The following DLGAP1 variants were observed in gnomAD, a reference collection of about 807,000 sequenced individuals.
The protein encoded by DLGAP1 is DLG associated protein 1.
Under a neutral mutation model 90.8 loss-of-function variants are expected in DLGAP1, and 11 were observed. The ratio of observed to expected loss-of-function variants is 0.12; its 90% CI spans 0.08 to 0.20. The LOEUF (loss-of-function observed/expected upper bound fraction) is 0.20. DLGAP1 is among the 10% of genes least tolerant of loss of function. The pLI, the probability that DLGAP1 is intolerant of heterozygous loss-of-function variation, is 1.00. For missense variants in DLGAP1, 1,050 were observed against 1,333.8 expected, an observed-to-expected ratio of 0.79 and a Z score of 3.31; for synonymous variants, 558 against 540.7, an observed-to-expected ratio of 1.03 and a Z score of -0.44.
chr18:4,334,738 T>C (rs1038590989), intron 1 of DLGAP1, among the ~76,000 whole-genome samples: 1 of 151,886 alleles, frequency 6.6e-6, no homozygotes, highest in South Asian at 2.1e-4. Context: ...ACCACACTAA[T>C]ACCACTCCTC....
intron 10 of DLGAP1, among the ~76,000 whole-genome samples, chr18:3,529,905 C>G (rs1250948640): frequency 6.6e-6 from 1 of 152,210 alleles, no homozygotes; most frequent in Non-Finnish European, 1.5e-5. Context: ...GGTTTTCTGA[C>G]AAGATTTTCA....
At chr18:4,360,159 A>G (rs1287068051) in intron 1 of DLGAP1, among the ~76,000 whole-genome samples, 1 of 152,214 alleles carries the variant, frequency 6.6e-6, no homozygotes, top group Non-Finnish European at 1.5e-5. Context: ...TTAGAGGAAG[A>G]ATATAGACAG....
intron 9 of DLGAP1, among the ~76,000 whole-genome samples, chr18:3,562,180 T>G (rs922122298): frequency 1.3e-5 from 2 of 151,940 alleles, no homozygotes; most frequent in Non-Finnish European, 2.9e-5. Flanking sequence ...TGAGCCGAAA[T>G]CATGCCATTG....
intron 2 of DLGAP1, among the ~76,000 whole-genome samples, chr18:4,081,210 T>A (rs370872876): frequency 3.2e-4 from 49 of 151,674 alleles, no homozygotes; most frequent in African/African-American, 1.1e-3. Flanking sequence ...TTTTAAAAAA[T>A]TAATCTGCCT....
chr18:3,534,736 G>T, intron 9 of DLGAP1, 121 bp from the exon 10 acceptor site: 1 of 968,096 alleles, frequency 1.0e-6, no homozygotes, highest in Non-Finnish European at 1.5e-6. Context: ...TGTCTCCCAG[G>T]CTGGAGTGCA....
chr18:4,237,159 G>A (rs1026023799), intron 1 of DLGAP1, among the ~76,000 whole-genome samples: 2 of 152,056 alleles, frequency 1.3e-5, no homozygotes, highest in African/African-American at 2.4e-5. Context: ...TCCTGAACTC[G>A]CCAATTAATT....
chr18:3,507,736 G>GTTTTTTTTTTTTT (rs386386884), intron 11 of DLGAP1, among the ~76,000 whole-genome samples: 2 of 89,964 alleles, frequency 2.2e-5, no homozygotes, highest in African/African-American at 8.6e-5. Context: ...ATTCTTGAAG[G>GTTTTTTTTTTTTT]TTTTTTTTTT....
Position 3,498,980 on chromosome 18 carries a change from AAGG to A in DLGAP1, c.*202_*204del. Reference sequence around the variant, plus strand: ...GGACAGGGGGCGAAGCTCGGTGAAGAAGGAGATGGGCAAACGGGTACGGGAAGT... The same window carrying A: ...GGACAGGGGGCGAAGCTCGGTGAAGAAGATGGGCAAACGGGTACGGGAAGT... On this transcript the variant is annotated 3_prime_UTR_variant, in exon 13 of 13. Coordinates refer to ENST00000315677, the MANE Select transcript of DLGAP1 (RefSeq NM_004746.4). 1 of 560,318 alleles carries A rather than the reference AAGG, an allele frequency of 1.8e-6. No individual in the cohort carries two copies. The highest frequency in any genetic ancestry group is 3.1e-6 in the Non-Finnish European group (1 of 320,980). The allele number at this position is 560,318 out of a possible 1,614,324, so 34.7% of individuals were successfully genotyped here. A position where few individuals can be genotyped will look rare whatever the true frequency, so the allele number is the denominator to read the frequency against.
chr18:4,157,138 G>A (rs938898853), intron 1 of DLGAP1, among the ~76,000 whole-genome samples: 2 of 151,998 alleles, frequency 1.3e-5, no homozygotes, highest in Non-Finnish European at 2.9e-5. Flanking sequence ...AAGATCAGAG[G>A]TGGGACCGGG....
intron 5 of DLGAP1, among the ~76,000 whole-genome samples, chr18:3,763,831 T>G (rs907274959): frequency 6.6e-6 from 1 of 151,980 alleles, no homozygotes; most frequent in African/African-American, 2.4e-5. Context: ...CTGGCTAATT[T>G]TTTTATATTT....
chr18:3,600,955 T>TATAGATAG (rs1174034475), intron 7 of DLGAP1, among the ~76,000 whole-genome samples: 2 of 88,980 alleles, frequency 2.2e-5, no homozygotes, highest in African/African-American at 7.7e-5. Context: ...TATATAGATA[T>TATAGATAG]ATATAGATAT....
intron 1 of DLGAP1, among the ~76,000 whole-genome samples, chr18:4,434,084 G>A (rs906170386): frequency 6.6e-6 from 1 of 151,940 alleles, no homozygotes; most frequent in South Asian, 2.1e-4. Flanking sequence ...AACCCAAAAG[G>A]TATCCCTTTC....
chr18:4,365,909 C>A (rs1173731106), intron 1 of DLGAP1, among the ~76,000 whole-genome samples: 1 of 152,016 alleles, frequency 6.6e-6, no homozygotes, highest in Non-Finnish European at 1.5e-5. Flanking sequence ...AATAGCTTGG[C>A]AATTACTCAT....
intron 1 of DLGAP1, among the ~76,000 whole-genome samples, chr18:4,173,030 C>A (rs2077049239): frequency 6.6e-6 from 1 of 152,190 alleles, no homozygotes; most frequent in East Asian, 1.9e-4. Context: ...GAAGGTTTTC[C>A]ACAATTTTTT....
At chr18:3,507,269 A>T (rs2050281780) in intron 11 of DLGAP1, among the ~76,000 whole-genome samples, 1 of 152,104 alleles carries the variant, frequency 6.6e-6, no homozygotes, top group African/African-American at 2.4e-5. Context: ...GAGGATCATG[A>T]GGTCAGGAGT....
At chr18:4,087,421 C>T (rs9954149) in intron 2 of DLGAP1, among the ~76,000 whole-genome samples, 30,859 of 152,082 alleles carry the variant, frequency 0.2, 3,207 homozygotes, top group East Asian at 0.25. Flanking sequence ...ATAGCATGAG[C>T]GATCTGTGCC....
intron 3 of DLGAP1, among the ~76,000 whole-genome samples, chr18:3,935,477 C>T (rs1167255224): frequency 1.3e-5 from 2 of 152,104 alleles, no homozygotes; most frequent in African/African-American, 4.8e-5. Flanking sequence ...AAGTATGCCT[C>T]TAAGGCAAGT....
chr18:4,117,062 C>T (rs2076074295), intron 2 of DLGAP1, among the ~76,000 whole-genome samples: 1 of 152,048 alleles, frequency 6.6e-6, no homozygotes, highest in African/African-American at 2.4e-5. Flanking sequence ...AATGGAATAC[C>T]ACTGGTGTCC....
In DLGAP1 at chr18:4,336,599, C is replaced by T. The variant is rs78383233; in HGVS notation, c.-267+118407G>A. ...TCACCAAAGCTTCTGTTCCTTCTAT[C>T]AAAATGGTCCTGTGGCATCTAATCT... On this transcript the variant is annotated intron_variant, in intron 1 of 12. Transcript: ENST00000315677. Among the ~76,000 whole-genome samples, 892 of 152,276 alleles carry T rather than the reference C, an allele frequency of 5.9e-3. 10 individuals are homozygous for T. Among genetic ancestry groups the T allele is most frequent in the African/African-American group, 0.02 (843 of 41,556 alleles).
Sources: allele counts gnomAD v4.1 joint callset (sites outside exome capture counted in the v4.1 genomes callset), GRCh38; gene constraint gnomAD v4.1.1; transcripts MANE v1.5; gene names NCBI Gene and HGNC (gene_info 2026-07-23, HGNC 2026-07-21).